The following NEB variants were observed in gnomAD, a reference collection of about 807,000 sequenced individuals.
The protein encoded by NEB is nemaline myopathy type 2.
Under a neutral mutation model 952.2 loss-of-function variants are expected in NEB, and 512 were observed. The ratio of observed to expected loss-of-function variants is 0.54; its 90% CI spans 0.50 to 0.58. The LOEUF (loss-of-function observed/expected upper bound fraction) is 0.58, where lower values mean the gene tolerates loss of function less well. Among genes scored for constraint, NEB ranks in the 20% least tolerant of loss-of-function variants. The pLI is 0.00. For missense variants in NEB, 8,428 were observed against 9,231.1 expected (o/e 0.91, Z 3.56); for synonymous variants, 2,900 against 3,149.8 (o/e 0.92, Z 2.66).
chr2:151,662,334 T>C lies in NEB; in HGVS notation c.5771A>G (p.Tyr1924Cys), dbSNP rs747326135. 4.5e-6 allele frequency: 7 copies of C among 1,568,930 alleles called. No homozygotes were observed. Among genetic ancestry groups the C allele is most frequent in the South Asian group, 3.7e-5 (3 of 81,958 alleles). The change falls in exon 46 of 182, where the codon TAC (tyrosine) becomes TGC (cysteine). Residue 1924 changes from tyrosine (Y) to cysteine (C), a missense_variant. Coordinates refer to ENST00000397345, the MANE Select transcript of NEB (RefSeq NM_001164508.2). ...NMMQIQSDNQYKADYADFMKG... is the reference protein window; with the variant it reads ...NMMQIQSDNQCKADYADFMKG... ...CATGAAGTCAGCATAGTCAGCCTTGTACTGATTCTGCAAAAGAGGAAAAAT... is the reference window on the plus strand; with the variant it reads ...CATGAAGTCAGCATAGTCAGCCTTGCACTGATTCTGCAAAAGAGGAAAAAT...
chr2:151,617,484 A>AG lies in NEB; in HGVS notation c.11077-17_11077-16insC. ...TATATAAGCGCTACAAAAAAAAAAA[A>AG]AAAAGAGAGAGAGAGAGAGAAAAAT... On this transcript the variant is annotated splice_polypyrimidine_tract_variant and intron_variant, in intron 74 of 181. Transcript: ENST00000397345. 4 of 1,411,572 alleles carry AG rather than the reference A, an allele frequency of 2.8e-6. No individual in the cohort carries two copies. The highest frequency in any genetic ancestry group is 3.8e-6 in the Non-Finnish European group (4 of 1,048,090). 87.4% of individuals were successfully genotyped at this position (1,411,572 alleles called of 1,614,324 possible).
Position 151,723,434 on chromosome 2 carries a change from T to A in NEB, c.665A>T (p.Asn222Ile). 1 of 1,610,492 alleles carries A rather than the reference T, an allele frequency of 6.2e-7. No homozygotes were observed. The highest frequency in any genetic ancestry group is 8.5e-7 in the Non-Finnish European group (1 of 1,178,414). Reference sequence around the variant, plus strand: ...AACTCTCCTCAGTTCCGGGCTATCATTATAGGGGTAAAACAAACTTTTGTC... The same window carrying A: ...AACTCTCCTCAGTTCCGGGCTATCAATATAGGGGTAAAACAAACTTTTGTC... Reference protein sequence around the residue: ...EADKSLFYPYNDSPELRRVAQ... With the variant: ...EADKSLFYPYIDSPELRRVAQ... Residue 222 changes from asparagine (N) to isoleucine (I), a missense_variant, in exon 9 of 182, where the codon AAT becomes ATT. Around this residue, in one of 11 missense-constraint regions of NEB, gnomAD observed 2,851 missense variants for 2,791.5 expected, o/e 1.02. Coordinates refer to ENST00000397345, the MANE Select transcript of NEB (RefSeq NM_001164508.2).
chr2:151,696,739 T>C lies in NEB; in HGVS notation c.1471-4A>G, dbSNP rs2149336377. The stretch of plus-strand genomic sequence containing the variant: ...CTGGATGGACTTTGTAGGTGTGCTG[T>C]GGGGAAGCAAAGGCATTTGGTTTAG... On this transcript the variant is annotated splice_region_variant and splice_polypyrimidine_tract_variant and intron_variant, in intron 16 of 181. Transcript: ENST00000397345. 2 of 1,612,354 alleles carry C rather than the reference T, an allele frequency of 1.2e-6. No individual in the cohort carries two copies. The highest frequency in any genetic ancestry group is 1.7e-6 in the Non-Finnish European group (2 of 1,178,548).
intron 13 of NEB, among the ~76,000 whole-genome samples, chr2:151,698,818 T>G (rs1039942028): frequency 6.6e-6 from 1 of 151,992 alleles, no homozygotes; most frequent in African/African-American, 2.4e-5. Context: ...TTTTGTATTT[T>G]TAGTAGAGAC....
Position 151,725,526 on chromosome 2 carries a change from C to G in NEB, c.329G>C (p.Gly110Ala), listed in dbSNP as rs761337214. The change falls in exon 6 of 182, where the codon GGA (glycine) becomes GCA (alanine). Residue 110 changes from glycine to alanine, a missense_variant. Around this residue, in one of 11 missense-constraint regions of NEB, gnomAD observed 2,851 missense variants for 2,791.5 expected, o/e 1.02. Transcript: ENST00000397345. Reference protein sequence around the residue: ...KYKEKFEKTKGQPYASTTDTP... With the variant: ...KYKEKFEKTKAQPYASTTDTP... ...ATCTGTTGTGCTGGCGTATGGCTGT[C>G]CTTTTGTTTTCTCAAACTTCTCCTT... 5 of 1,613,608 alleles carry G rather than the reference C, an allele frequency of 3.1e-6. No individual in the cohort carries two copies. In the Admixed American group the frequency reaches 8.3e-5, roughly 27 times the overall value.
In NEB at chr2:151,697,572, T is replaced by A; in HGVS notation, c.1229A>T (p.Asp410Val). The change falls in exon 14 of 182, where the codon GAT (aspartate) becomes GTT (valine). Residue 410 changes from aspartate to valine, a missense_variant. Around this residue, in one of 11 missense-constraint regions of NEB, gnomAD observed 2,851 missense variants for 2,791.5 expected, o/e 1.02. Transcript: ENST00000397345. ...NYCETPKFKL[D>V]TVLQNFSSDK... ...ACTACTGAAGTTCTGCAGAACAGTA[T>A]CGAGCTTGAATTTGGGGGTCTCGCA... The A allele has an allele frequency of 1.2e-6, 2 of 1,613,468 alleles. No homozygotes were observed. The highest frequency in any genetic ancestry group is 1.7e-6 in the Non-Finnish European group (2 of 1,179,776).
chr2:151,527,875 G>T (rs2087390109), intron 146 of NEB, among the ~76,000 whole-genome samples: 1 of 152,156 alleles, frequency 6.6e-6, no homozygotes, highest in African/African-American at 2.4e-5. Flanking sequence ...ATCATCTTCA[G>T]AATCGAGTAC....
At chr2:151,702,785 G>C (rs2099680928) in intron 13 of NEB, among the ~76,000 whole-genome samples, 1 of 152,132 alleles carries the variant, frequency 6.6e-6, no homozygotes, top group South Asian at 2.1e-4. Flanking sequence ...TGGGTTTCCT[G>C]AATACAGCAC....
At position 151,576,240 on chromosome 2, in the gene NEB, G is replaced by A. The variant is rs368167657; in HGVS notation, c.16819C>T (p.Arg5607Trp). 1.3e-5 allele frequency: 21 copies of A among 1,611,112 alleles called. No homozygotes were observed. Among genetic ancestry groups the A allele is most frequent in the African/African-American group, 5.4e-5 (4 of 74,718 alleles). Residue 5607 changes from arginine (R) to tryptophan (W), a missense_variant, in exon 106 of 182, where the codon CGG becomes TGG. Physicochemically the swap from Arg to Trp is moderately radical, Grantham distance 101 (BLOSUM62 -3). Coordinates refer to ENST00000397345, the MANE Select transcript of NEB (RefSeq NM_001164508.2). ...TACTTAAGGTTCACCACAGGCGTCC[G>A]ATAGACACTGTCACAAAAGATATTC... The part of the protein sequence containing the change: ...AQNIFCDSVY[R>W]TPVVNLKYTS...
rs2154058433 is a variant in NEB at position 151,627,163 on chromosome 2, A to G, written c.10186T>C (p.Trp3396Arg). 6.2e-7 allele frequency: 1 copy of G among 1,613,976 alleles called. No individual in the cohort carries two copies. The highest frequency in any genetic ancestry group is 2.2e-5 in the East Asian group (1 of 44,874). Residue 3396 changes from tryptophan to arginine, a missense_variant, in exon 70 of 182, where the codon TGG becomes CGG. Physicochemically the swap from Trp to Arg is moderately radical, Grantham distance 101. Transcript: ENST00000397345. ...SDLQWLRGIG[W>R]VPIGSMDVVK... Reference sequence around the variant, plus strand: ...ACATCCATAGACCCAATGGGGACCCAGCCAATGCCTCTCAGCCACTGGAGA... The same window carrying G: ...ACATCCATAGACCCAATGGGGACCCGGCCAATGCCTCTCAGCCACTGGAGA...
intron 65 of NEB, among the ~76,000 whole-genome samples, chr2:151,632,861 C>T (rs2098697212): frequency 6.6e-6 from 1 of 152,112 alleles, no homozygotes; most frequent in Non-Finnish European, 1.5e-5. Flanking sequence ...GTATGGGTGA[C>T]ATCAACCCTT....
In NEB at chr2:151,644,064, A is replaced by T. The variant is rs922569146; in HGVS notation, c.7710T>A (p.Asp2570Glu). The change falls in exon 57 of 182, where the codon GAT becomes GAA. Residue 2570 changes from aspartate (D) to glutamate (E), a missense_variant. Around this residue, in one of 11 missense-constraint regions of NEB, gnomAD observed 1,772 missense variants for 1,960.3 expected, o/e 0.90. Coordinates refer to ENST00000397345, the MANE Select transcript of NEB (RefSeq NM_001164508.2). ...GHHIGARNIE[D>E]DPKMMWSMHV... Reference sequence around the variant, plus strand: ...GCATGGACCACATCATCTTGGGGTCATCTTCAATGTTCCGGGCACCAATGT... The same window carrying T: ...GCATGGACCACATCATCTTGGGGTCTTCTTCAATGTTCCGGGCACCAATGT... 2 of 1,613,876 alleles carry T rather than the reference A, an allele frequency of 1.2e-6. No individual in the cohort carries two copies. Among genetic ancestry groups the T allele is most frequent in the African/African-American group, 2.7e-5 (2 of 74,932 alleles).
In NEB at chr2:151,719,465, T is replaced by C. The variant is rs74956359; in HGVS notation, c.718-1945A>G. ...TTTAACCAAGTCTAACTGTATCTTATCCCAATAATATCTACCTAGTGCCTA... is the reference window on the plus strand; with the variant it reads ...TTTAACCAAGTCTAACTGTATCTTACCCCAATAATATCTACCTAGTGCCTA... On this transcript the variant is annotated intron_variant, in intron 9 of 181. Coordinates refer to ENST00000397345, the MANE Select transcript of NEB (RefSeq NM_001164508.2). Among the ~76,000 whole-genome samples, 494 of 152,360 alleles carry C rather than the reference T, an allele frequency of 3.2e-3. 1 individual carries two copies. Among genetic ancestry groups the C allele is most frequent in the African/African-American group, 0.011 (439 of 41,590 alleles).
At chr2:151,576,384 G>GTTTGTGT (rs2096828762) in intron 105 of NEB, 30 bp from the exon 106 acceptor site, 3 of 1,548,980 alleles carry the variant, frequency 1.9e-6, no homozygotes, top group Non-Finnish European at 2.6e-6. Flanking sequence ...TAGAAGCAGG[G>GTTTGTGT]TTTGTGTTTT....
chr2:151,530,850 T>C, intron 145 of NEB, 144 bp downstream of exon 145: 1 of 594,476 alleles, frequency 1.7e-6, no homozygotes. Context: ...TACCGAATCA[T>C]GAGCAAAAGA....
At chr2:151,614,134 A>C in intron 77 of NEB, 142 bp downstream of exon 77, 1 of 996,734 alleles carries the variant, frequency 1.0e-6, no homozygotes, top group Non-Finnish European at 1.4e-6. Flanking sequence ...CTGAAACTAA[A>C]TACATACTTT....
intron 168 of NEB, among the ~76,000 whole-genome samples, chr2:151,500,720 C>T (rs2063830598): frequency 6.6e-6 from 1 of 151,466 alleles, no homozygotes; most frequent in African/African-American, 2.4e-5. Context: ...ACCTCAGCCT[C>T]CCAAGTAGCT....
At chr2:151,497,555 G>GTAT (rs1559214618) in intron 171 of NEB, 71 bp downstream of exon 171, 9 of 1,525,722 alleles carry the variant, frequency 5.9e-6, no homozygotes, top group Middle Eastern at 1.7e-4. Flanking sequence ...GGATTAATAC[G>GTAT]TATTATTTTA....
chr2:151,658,041 A>G lies in NEB; in HGVS notation c.6125T>C (p.Leu2042Pro), dbSNP rs748915406. Reference sequence around the variant, plus strand: ...TTTGATAGGAATTGCATCAGGTCTGAGATCATAGCCTTTCTTTTTAGACTC... The same window carrying G: ...TTTGATAGGAATTGCATCAGGTCTGGGATCATAGCCTTTCTTTTTAGACTC... ...LEESKKKGYD[L>P]RPDAIPIKAA... Residue 2042 changes from leucine to proline, a missense_variant, in exon 48 of 182, where the codon CTC (leucine) becomes CCC (proline). Physicochemically the swap from Leu to Pro is moderately conservative, Grantham distance 98 (BLOSUM62 -3). Around this residue, in one of 11 missense-constraint regions of NEB, gnomAD observed 2,851 missense variants for 2,791.5 expected, o/e 1.02. Coordinates refer to ENST00000397345, the MANE Select transcript of NEB (RefSeq NM_001164508.2). 6.2e-7 allele frequency: 1 copy of G among 1,611,168 alleles called. No individual in the cohort carries two copies. The highest frequency in any genetic ancestry group is 8.5e-7 in the Non-Finnish European group (1 of 1,178,360).
Sources: gnomAD v4.1 joint callset for allele counts (sites outside exome capture counted in the v4.1 genomes callset) on GRCh38, gnomAD v4.1.1 for gene constraint, gnomAD v4.1.1 regional missense constraint, MANE v1.5 for transcripts, NCBI Gene and HGNC (gene_info 2026-07-23, HGNC 2026-07-21) for gene names.